The following TRAF3IP2 variants were observed in gnomAD, a reference collection of about 807,000 sequenced individuals.
The protein encoded by TRAF3IP2 is E3 ubiquitin ligase TRAF3IP2.
A neutral mutation model predicts 57.9 loss-of-function variants in TRAF3IP2; 35 were observed. The observed-to-expected ratio is 0.60, with a 90% confidence interval of 0.46 to 0.80. The LOEUF (loss-of-function observed/expected upper bound fraction) is 0.80. TRAF3IP2 is among the 30% of genes least tolerant of loss of function. The pLI is 0.00. For synonymous variants in TRAF3IP2, 251 were observed against 268.9 expected, an observed-to-expected ratio of 0.93 and a Z score of 0.65; for missense variants, 556 against 706.4, an observed-to-expected ratio of 0.79 and a Z score of 2.41.
chr6:111,564,219 T>C (rs1795548037), intron 7 of TRAF3IP2, among the ~76,000 whole-genome samples: 1 of 152,084 alleles, frequency 6.6e-6, no homozygotes, highest in African/African-American at 2.4e-5. Flanking sequence ...CAAGGTGTTT[T>C]TTCGGAACCA....
intron 2 of TRAF3IP2, among the ~76,000 whole-genome samples, chr6:111,585,244 G>A (rs1796289572): frequency 6.6e-6 from 1 of 151,556 alleles, no homozygotes; most frequent in Non-Finnish European, 1.5e-5. Context: ...CAAGGACGGT[G>A]TATAACTATT....
rs1795334732 is a variant in TRAF3IP2, at chr6:111,558,967, T to A, written c.*438A>T. Reference sequence around the variant, plus strand: ...ACAAAAGAGTAAACATTTTATTATTTGTACATGAATCAGTTTGGTCTGAGG... The same window carrying A: ...ACAAAAGAGTAAACATTTTATTATTAGTACATGAATCAGTTTGGTCTGAGG... On this transcript the variant is annotated 3_prime_UTR_variant, in exon 9 of 9. Coordinates refer to ENST00000368761, the MANE Select transcript of TRAF3IP2 (RefSeq NM_147686.4). The A allele has an allele frequency of 6.5e-6, 1 of 154,566 alleles. No individual in the cohort carries two copies. The highest frequency in any genetic ancestry group is 2.0e-4 in the South Asian group (1 of 4,884). The allele number at this position is 154,566 out of a possible 1,614,324, so 9.6% of individuals were successfully genotyped here.
rs150533032 is a variant in TRAF3IP2, at chr6:111,555,612, C to T, written c.*3793G>A. 6.6e-6 allele frequency among the ~76,000 whole-genome samples: 1 copy of T among 152,256 alleles called. No individual in the cohort carries two copies. The highest frequency in any genetic ancestry group is 1.9e-4 in the East Asian group (1 of 5,186). On this transcript the variant is annotated 3_prime_UTR_variant, in exon 9 of 9. Coordinates refer to ENST00000368761, the MANE Select transcript of TRAF3IP2 (RefSeq NM_147686.4). ...CATCAAATATTAGGTAAGAACCTAA[C>T]CTTGCATTCCACAAACCCACCCCTC...
chr6:111,585,837 G>A (rs993541293), intron 2 of TRAF3IP2, among the ~76,000 whole-genome samples: 14 of 152,136 alleles, frequency 9.2e-5, no homozygotes, highest in African/African-American at 3.4e-4. Flanking sequence ...AATCACAAAT[G>A]GGCGCCCAGG....
chr6:111,595,827 C>CAAA (rs569836365), intron 1 of TRAF3IP2, among the ~76,000 whole-genome samples: 1 of 92,904 alleles, frequency 1.1e-5, no homozygotes, highest in Admixed American at 1.1e-4. Context: ...GACTCTGTCT[C>CAAA]AAAAAAAAAA....
chr6:111,577,892 T>C (rs1266692936), intron 3 of TRAF3IP2, among the ~76,000 whole-genome samples: 2 of 151,988 alleles, frequency 1.3e-5, no homozygotes, highest in African/African-American at 4.8e-5. Flanking sequence ...TTGTATTTTT[T>C]TGTAGAGATG....
rs1795852972 is a variant in TRAF3IP2, at chr6:111,572,218, G to A, written c.1290+677C>T. Among the ~76,000 whole-genome samples the A allele has an allele frequency of 3.9e-5, 6 of 152,252 alleles. 1 individual carries two copies. In the South Asian group the frequency reaches 1.2e-3, roughly 32 times the overall value. On this transcript the variant is annotated intron_variant, in intron 5 of 8. Coordinates refer to ENST00000368761, the MANE Select transcript of TRAF3IP2 (RefSeq NM_147686.4). The stretch of plus-strand genomic sequence containing the variant: ...TAGAGAAAAATTTACATGGCTTTAA[G>A]CTGTACTGTGTCAAGGGACTGCAGG...
chr6:111,568,193 G>A (rs1795712354), intron 5 of TRAF3IP2, among the ~76,000 whole-genome samples: 1 of 152,134 alleles, frequency 6.6e-6, no homozygotes, highest in Non-Finnish European at 1.5e-5. Context: ...TGTTTCAAAA[G>A]GATTGTATGA....
At chr6:111,603,879 G>A (rs760366061) in intron 1 of TRAF3IP2, among the ~76,000 whole-genome samples, 4 of 152,198 alleles carry the variant, frequency 2.6e-5, no homozygotes, top group Non-Finnish European at 5.9e-5. Flanking sequence ...ATCTTTTGAT[G>A]CTCCATCATG....
At chr6:111,572,759 G>A in intron 5 of TRAF3IP2, 136 bp downstream of exon 5, 1 of 701,638 alleles carries the variant, frequency 1.4e-6, no homozygotes, top group South Asian at 1.8e-5. Context: ...AAATCTATAA[G>A]CATTCAATGC....
At chr6:111,560,075 T>G (rs574011792) in intron 8 of TRAF3IP2, among the ~76,000 whole-genome samples, 2 of 152,132 alleles carry the variant, frequency 1.3e-5, no homozygotes, top group South Asian at 4.2e-4. Context: ...GATGTTCTGG[T>G]GGGGAGAGGC....
Position 111,559,161 on chromosome 6 carries a change from C to T in TRAF3IP2, c.*244G>A. On this transcript the variant is annotated 3_prime_UTR_variant, in exon 9 of 9. Transcript: ENST00000368761. ...TCAGGAGGAACATATGGGACACTGG[C>T]ACCTGCAATGGTTTTTTTAAAAGCA... 1 of 456,364 alleles carries T rather than the reference C, an allele frequency of 2.2e-6. No individual in the cohort carries two copies. Among genetic ancestry groups the T allele is most frequent in the Non-Finnish European group, 3.9e-6 (1 of 257,970 alleles). The allele number at this position is 456,364 out of a possible 1,614,324, so 28.3% of individuals were successfully genotyped here.
At position 111,576,649 on chromosome 6, in the gene TRAF3IP2, A is replaced by C. The variant is rs9320367; in HGVS notation, c.1023-828T>G. On this transcript the variant is annotated intron_variant, in intron 3 of 8. Transcript: ENST00000368761. Reference sequence around the variant, plus strand: ...CAGCGGTGTTGGCTTTCTGATTCTCAACCTTCCTGACCGCCAGAGGAGACA... The same window carrying C: ...CAGCGGTGTTGGCTTTCTGATTCTCCACCTTCCTGACCGCCAGAGGAGACA... 3 of 152,000 alleles carry C rather than the reference A, an allele frequency of 2.0e-5. No homozygotes were observed. In the East Asian group the frequency reaches 5.8e-4, roughly 29 times the overall value. 9.4% of individuals were successfully genotyped at this position (152,000 alleles called of 1,614,324 possible).
At chr6:111,568,432 A>AGTGTGTGTGT (rs58088162) in intron 5 of TRAF3IP2, among the ~76,000 whole-genome samples, 20 of 146,830 alleles carry the variant, frequency 1.4e-4, no homozygotes, top group Non-Finnish European at 2.3e-4. Context: ...TATACTGCAG[A>AGTGTGTGTGT]GTGTGTGTGT....
intron 7 of TRAF3IP2, among the ~76,000 whole-genome samples, chr6:111,563,756 G>A (rs956083199): frequency 6.6e-5 from 10 of 152,220 alleles, no homozygotes; most frequent in African/African-American, 2.4e-4. Flanking sequence ...CTAATGCACT[G>A]TGACTAGAGC....
At chr6:111,572,429 C>G (rs918401276) in intron 5 of TRAF3IP2, among the ~76,000 whole-genome samples, 3 of 152,200 alleles carry the variant, frequency 2.0e-5, no homozygotes, top group African/African-American at 7.2e-5. Context: ...ATGGGGGATT[C>G]AGGCTGCAGG....
intron 8 of TRAF3IP2, among the ~76,000 whole-genome samples, 164 bp from the exon 9 acceptor site, chr6:111,559,715 A>C (rs1795365774): frequency 6.6e-6 from 1 of 152,218 alleles, no homozygotes; most frequent in Non-Finnish European, 1.5e-5. Flanking sequence ...TTAGCATGTG[A>C]AATGTTCTTG....
chr6:111,597,110 C>T (rs1289306148), intron 1 of TRAF3IP2, among the ~76,000 whole-genome samples: 1 of 152,180 alleles, frequency 6.6e-6, no homozygotes, highest in Non-Finnish European at 1.5e-5. Flanking sequence ...ATCTGGTGGG[C>T]CTGGTCCTCA....
At chr6:111,572,864 G>A (rs781128057) in intron 5 of TRAF3IP2, 31 bp downstream of exon 5, 4 of 1,545,072 alleles carry the variant, frequency 2.6e-6, no homozygotes, top group African/African-American at 1.4e-5. Context: ...CACTATAACT[G>A]TTCAGTTATC....
Sources: gnomAD v4.1 joint callset for allele counts (sites outside exome capture counted in the v4.1 genomes callset) on GRCh38, gnomAD v4.1.1 for gene constraint, MANE v1.5 for transcripts, NCBI Gene and HGNC (gene_info 2026-07-23, HGNC 2026-07-21) for gene names.